Variants in KCNQ5 observed in about 807,000 individuals in gnomAD.
The protein encoded by KCNQ5 is potassium voltage-gated channel subfamily Q member 5.
KCNQ5 carries 30 observed loss-of-function variants against 98.2 expected under a neutral mutation model. The ratio of observed to expected loss-of-function variants is 0.31; its 90% confidence interval spans 0.23 to 0.41. KCNQ5 has a LOEUF of 0.41. Ranked by LOEUF, KCNQ5 falls within the 10% of genes least tolerant of loss-of-function variation. KCNQ5 has a pLI of 1.00. For missense variants in KCNQ5, 835 were observed against 1,182.5 expected, an observed-to-expected ratio of 0.71 and a Z score of 4.31; for synonymous variants, 458 against 449.4, an observed-to-expected ratio of 1.02 and a Z score of -0.24.
chr6:72,784,037 T>C (rs1180397811), intron 1 of KCNQ5, among the ~76,000 whole-genome samples: 2 of 152,172 alleles, frequency 1.3e-5, no homozygotes, highest in African/African-American at 2.4e-5. Flanking sequence ...AACATTCACA[T>C]TCCAACATGA....
intron 2 of KCNQ5, among the ~76,000 whole-genome samples, chr6:73,031,048 AAG>A (rs1771120433): frequency 6.6e-6 from 1 of 152,200 alleles, no homozygotes; most frequent in South Asian, 2.1e-4. Context: ...TCCAAGAACT[AAG>A]ACATTTGGAG....
intron 1 of KCNQ5, among the ~76,000 whole-genome samples, chr6:72,943,215 C>G (rs973967385): frequency 3.3e-5 from 5 of 152,132 alleles, no homozygotes; most frequent in African/African-American, 9.7e-5. Context: ...ATGATCGTGC[C>G]CTTCCTTGTG....
chr6:72,866,537 G>T (rs1377099674), intron 1 of KCNQ5, among the ~76,000 whole-genome samples: 1 of 151,998 alleles, frequency 6.6e-6, no homozygotes, highest in Non-Finnish European at 1.5e-5. Flanking sequence ...TTACAGACAT[G>T]AGCGACTGCA....
In KCNQ5 at chr6:72,775,993, A is replaced by G. The variant is rs531240903; in HGVS notation, c.398+153406A>G. On this transcript the variant is annotated intron_variant, in intron 1 of 13. Transcript: ENST00000370398. ...AATAAAGTATGGACTTTAATAATGT[A>G]TCAATATTGGTTCATTAATTATGAC... is the stretch of plus-strand genomic sequence containing the variant. 5.3e-5 allele frequency among the ~76,000 whole-genome samples: 8 copies of G among 152,318 alleles called. 2 individuals carry two copies. Among genetic ancestry groups the G allele is most frequent in the African/African-American group, 1.9e-4 (8 of 41,586 alleles).
At chr6:73,179,935 T>C (rs181441353) in intron 11 of KCNQ5, among the ~76,000 whole-genome samples, 42 of 152,350 alleles carry the variant, frequency 2.8e-4, no homozygotes, top group African/African-American at 9.6e-4. Flanking sequence ...TGTTTCTTCA[T>C]TGCTGTATCC....
intron 10 of KCNQ5, among the ~76,000 whole-genome samples, chr6:73,145,635 C>A (rs920845030): frequency 2.0e-5 from 3 of 152,174 alleles, no homozygotes; most frequent in Non-Finnish European, 2.9e-5. Context: ...CATCTCTAGA[C>A]AAGTTAGTCC....
chr6:73,145,883 C>A (rs1198291016), intron 10 of KCNQ5, among the ~76,000 whole-genome samples: 1 of 151,998 alleles, frequency 6.6e-6, no homozygotes, highest in East Asian at 1.9e-4. Flanking sequence ...GTCAGAAGAG[C>A]GAAAGGGAAG....
intron 1 of KCNQ5, among the ~76,000 whole-genome samples, chr6:72,688,641 A>T (rs1180457644): frequency 6.6e-6 from 1 of 152,222 alleles, no homozygotes; most frequent in Non-Finnish European, 1.5e-5. Context: ...TGGATAAGTT[A>T]TCTAAGTATA....
At chr6:72,982,751 C>G (rs1344153991) in intron 1 of KCNQ5, among the ~76,000 whole-genome samples, 1 of 152,114 alleles carries the variant, frequency 6.6e-6, no homozygotes, top group Non-Finnish European at 1.5e-5. Context: ...TTAGTTGATG[C>G]AGTTTCTTCC....
intron 1 of KCNQ5, among the ~76,000 whole-genome samples, chr6:72,699,517 G>A (rs1768687427): frequency 6.6e-6 from 1 of 152,120 alleles, no homozygotes; most frequent in African/African-American, 2.4e-5. Context: ...CTTACCAGGA[G>A]AGTTACATTA....
chr6:73,040,495 G>C (rs1771640559), intron 2 of KCNQ5, among the ~76,000 whole-genome samples: 1 of 152,148 alleles, frequency 6.6e-6, no homozygotes, highest in South Asian at 2.1e-4. Flanking sequence ...TAAATGAACA[G>C]ACTCAACTAC....
chr6:73,106,110 A>G (rs963241937), intron 6 of KCNQ5, among the ~76,000 whole-genome samples: 3 of 152,182 alleles, frequency 2.0e-5, no homozygotes, highest in Admixed American at 6.5e-5. Context: ...GTGCTTAAGG[A>G]AAATAGATCC....
At position 73,034,936 on chromosome 6, in the gene KCNQ5, C is replaced by T. The variant is rs183115250; in HGVS notation, c.490-7000C>T. Among the ~76,000 whole-genome samples the T allele has an allele frequency of 7.9e-3, 1,193 of 151,280 alleles. 19 individuals are homozygous for T. Among genetic ancestry groups the T allele is most frequent in the African/African-American group, 0.028 (1,141 of 41,112 alleles). On this transcript the variant is annotated intron_variant, in intron 2 of 13. Coordinates refer to ENST00000370398, the MANE Select transcript of KCNQ5 (RefSeq NM_019842.4). ...TCTCGGCTCACTGCAAGCTCCGCCTCCCGGGTTCACGCCATTCTCCTGCCT... is the reference window on the plus strand; with the variant it reads ...TCTCGGCTCACTGCAAGCTCCGCCTTCCGGGTTCACGCCATTCTCCTGCCT...
At chr6:72,658,671 C>T (rs1050329496) in intron 1 of KCNQ5, among the ~76,000 whole-genome samples, 1 of 149,256 alleles carries the variant, frequency 6.7e-6, no homozygotes, top group Non-Finnish European at 1.5e-5. Flanking sequence ...ACCTCCGTCT[C>T]TCGGGCTCAA....
At chr6:73,112,446 C>T (rs1475862250) in intron 7 of KCNQ5, among the ~76,000 whole-genome samples, 3 of 151,616 alleles carry the variant, frequency 2.0e-5, no homozygotes, top group South Asian at 2.1e-4. Flanking sequence ...CCTGGGTTCA[C>T]GCCATTCTCC....
chr6:72,747,640 C>T (rs2154476445), intron 1 of KCNQ5, among the ~76,000 whole-genome samples: 1 of 152,176 alleles, frequency 6.6e-6, no homozygotes, highest in East Asian at 1.9e-4. Flanking sequence ...ACTGAAAAAA[C>T]AGGGTTGTAA....
At chr6:72,971,676 A>G (rs1767907216) in intron 1 of KCNQ5, among the ~76,000 whole-genome samples, 1 of 152,256 alleles carries the variant, frequency 6.6e-6, no homozygotes, top group Non-Finnish European at 1.5e-5. Flanking sequence ...TGATGAGTTC[A>G]TGTCCTTTGT....
chr6:72,726,995 G>A (rs1022787933), intron 1 of KCNQ5, among the ~76,000 whole-genome samples: 9 of 152,186 alleles, frequency 5.9e-5, no homozygotes, highest in Non-Finnish European at 1.0e-4. Context: ...ACTCTTAGTC[G>A]TGACATGCAG....
intron 1 of KCNQ5, among the ~76,000 whole-genome samples, chr6:72,924,678 G>A (rs572202201): frequency 2.0e-4 from 30 of 152,118 alleles, no homozygotes; most frequent in Middle Eastern, 3.4e-3. Flanking sequence ...CCTTCCACTC[G>A]CATACCACAC....
Sources: allele counts gnomAD v4.1 joint callset (sites outside exome capture counted in the v4.1 genomes callset), GRCh38; gene constraint gnomAD v4.1.1; transcripts MANE v1.5; gene names NCBI Gene and HGNC (gene_info 2026-07-23, HGNC 2026-07-21).